DPYD: variants seen among roughly 807,000 people sequenced by gnomAD.
DPYD encodes the protein dihydropyrimidine dehydrogenase, also known as dihydropyrimidine dehydrogenase [NADP(+)].
A neutral mutation model predicts 116.2 loss-of-function variants in DPYD; 109 were observed. The observed-to-expected ratio is 0.94, with a 90% CI of 0.80 to 1.10. DPYD has a LOEUF of 1.10. Among genes scored for constraint, DPYD ranks in the 50% least tolerant of loss-of-function variants. DPYD has a pLI of 0.00. For missense variants in DPYD, 1,302 were observed against 1,254.5 expected, an observed-to-expected ratio of 1.04 and a Z score of -0.57; for synonymous variants, 440 against 432.0, an observed-to-expected ratio of 1.02 and a Z score of -0.23.
intron 18 of DPYD, among the ~76,000 whole-genome samples, chr1:97,287,830 G>T (rs1263505297): frequency 6.6e-6 from 1 of 152,014 alleles, no homozygotes; most frequent in Non-Finnish European, 1.5e-5. Flanking sequence ...GGTGCCATCT[G>T]TCACCCCTTT....
chr1:97,920,801 G>A, intron 1 of DPYD, 83 bp downstream of exon 1: 13 of 1,526,846 alleles, frequency 8.5e-6, no homozygotes, highest in East Asian at 2.5e-5. Context: ...GGGTGCGGGG[G>A]CCGCGGGGGC....
chr1:97,477,381 T>C (rs1019667179), intron 13 of DPYD, among the ~76,000 whole-genome samples: 4 of 152,212 alleles, frequency 2.6e-5, no homozygotes, highest in Non-Finnish European at 4.4e-5. Flanking sequence ...ATTCTAGTTA[T>C]CTTGCTATTT....
intron 8 of DPYD, among the ~76,000 whole-genome samples, chr1:97,597,513 T>C (rs1189982232): frequency 6.6e-6 from 1 of 152,194 alleles, no homozygotes; most frequent in Non-Finnish European, 1.5e-5. Flanking sequence ...AGATGTCAAT[T>C]TGGCTAGGCT....
intron 3 of DPYD, among the ~76,000 whole-genome samples, chr1:97,788,456 T>C (rs1048837564): frequency 2.6e-5 from 4 of 152,170 alleles, no homozygotes; most frequent in Admixed American, 2.0e-4. Context: ...TGAGAGACCA[T>C]CTTGGTCCTG....
intron 4 of DPYD, among the ~76,000 whole-genome samples, chr1:97,729,931 T>G (rs1285320701): frequency 6.6e-6 from 1 of 152,162 alleles, no homozygotes; most frequent in African/African-American, 2.4e-5. Context: ...CTAAATGAAA[T>G]AAAACTTTCA....
intron 19 of DPYD, among the ~76,000 whole-genome samples, chr1:97,200,387 A>C (rs554835826): frequency 1.2e-4 from 18 of 152,312 alleles, no homozygotes; most frequent in Admixed American, 3.3e-4. Context: ...ATTTAAGCAA[A>C]AACGGAAATT....
In DPYD at chr1:97,724,296, GGGGGGGGGGGGGTGTGTGTGT is replaced by G. The variant is rs1362251501; in HGVS notation, c.322-2646_322-2626del. Among the ~76,000 whole-genome samples the G allele has an allele frequency of 6.6e-3, 912 of 137,842 alleles. 32 individuals are homozygous for G. The highest frequency in any genetic ancestry group is 0.01 in the African/African-American group (382 of 36,870). The allele number at this position is 137,842 out of a possible 152,430, so 90.4% of individuals were successfully genotyped here. On this transcript the variant is annotated intron_variant, in intron 4 of 22. Transcript: ENST00000370192. ...CACAGAAAGAATAGGATGTATGTGG[GGGGGGGGGGGGGTGTGTGTGT>G]GTGTGTGTGTGTGTGTGTGTGTGTG...
intron 16 of DPYD, among the ~76,000 whole-genome samples, chr1:97,330,232 C>T (rs1170774515): frequency 6.6e-6 from 1 of 152,028 alleles, no homozygotes; most frequent in East Asian, 1.9e-4. Context: ...AAAAGCAGCC[C>T]TAAAAAATTG....
rs1191792314 is a variant in DPYD at position 97,305,291 on chromosome 1, A to G, written c.2267T>C (p.Ile756Thr). ...TCCTCCATATGTAGTTCGCTTTGCA[A>G]TCCCCACTGCTGGCCAAGGTGTGCC... ...SDGTPWPAVG[I>T]AKRTTYGGVS... Residue 756 changes from isoleucine (I) to threonine (T), a missense_variant, in exon 18 of 23, where the codon ATT becomes ACT. Transcript: ENST00000370192. 15 of 1,612,454 alleles carry G rather than the reference A, an allele frequency of 9.3e-6. No homozygotes were observed. Among genetic ancestry groups the G allele is most frequent in the Non-Finnish European group, 1.2e-5 (14 of 1,178,954 alleles).
chr1:97,644,073 A>G (rs1658100819), intron 8 of DPYD, among the ~76,000 whole-genome samples: 1 of 152,104 alleles, frequency 6.6e-6, no homozygotes, highest in Non-Finnish European at 1.5e-5. Context: ...CCTAGAACTT[A>G]AAGTATAATA....
intron 16 of DPYD, among the ~76,000 whole-genome samples, 181 bp downstream of exon 16, chr1:97,373,380 A>G (rs893460511): frequency 6.6e-6 from 1 of 152,272 alleles, no homozygotes; most frequent in South Asian, 2.1e-4. Context: ...AACAGTTGCT[A>G]TAATTTCAGC....
chr1:97,317,406 A>C (rs1667921902), intron 16 of DPYD, among the ~76,000 whole-genome samples: 1 of 151,928 alleles, frequency 6.6e-6, no homozygotes, highest in Non-Finnish European at 1.5e-5. Context: ...TGGGTTATGA[A>C]ATATAGGCAG....
intron 3 of DPYD, among the ~76,000 whole-genome samples, chr1:97,740,708 C>A (rs1442249359): frequency 6.6e-6 from 1 of 152,132 alleles, no homozygotes; most frequent in Non-Finnish European, 1.5e-5. Context: ...TCCCTCCTCT[C>A]AGAGTTCCTT....
In DPYD at chr1:97,515,885, A is replaced by G; in HGVS notation, c.1581T>C (p.Pro527=). ...CTACACTAATGTCCACCAGATCAAT[A>G]GGAGTGTAAAAGAGGGGTAGTTCAG... The part of the protein sequence containing the change: ...AKPELPLFYT[P]IDLVDISVEM... The change falls in exon 13 of 23, where the codon CCT becomes CCC. Residue 527 remains proline (P), a synonymous_variant. Transcript: ENST00000370192. 6.2e-7 allele frequency: 1 copy of G among 1,612,928 alleles called. No individual in the cohort carries two copies. The highest frequency in any genetic ancestry group is 8.5e-7 in the Non-Finnish European group (1 of 1,179,224).
At chr1:97,450,771 A>T (rs1262867162) in intron 13 of DPYD, among the ~76,000 whole-genome samples, 2 of 152,074 alleles carry the variant, frequency 1.3e-5, no homozygotes, top group African/African-American at 2.4e-5. Context: ...TTATAGGATT[A>T]TAACTATATA....
chr1:97,237,622 C>T (rs1662042677), intron 18 of DPYD, among the ~76,000 whole-genome samples: 1 of 152,012 alleles, frequency 6.6e-6, no homozygotes, highest in South Asian at 2.1e-4. Context: ...AGTGAGAATA[C>T]AAAAACACAC....
At chr1:97,634,634 T>C (rs898463513) in intron 8 of DPYD, among the ~76,000 whole-genome samples, 5 of 151,938 alleles carry the variant, frequency 3.3e-5, no homozygotes, top group Non-Finnish European at 5.9e-5. Flanking sequence ...CATGAATAAG[T>C]AGGTGGAAGA....
chr1:97,194,633 T>C (rs1478752913), intron 19 of DPYD, among the ~76,000 whole-genome samples: 2 of 151,928 alleles, frequency 1.3e-5, no homozygotes, highest in African/African-American at 4.8e-5. Flanking sequence ...GCCTCTCGAG[T>C]AGCTGGGACT....
At chr1:97,405,589 C>A (rs1216994515) in intron 14 of DPYD, among the ~76,000 whole-genome samples, 2 of 152,112 alleles carry the variant, frequency 1.3e-5, no homozygotes, top group Non-Finnish European at 2.9e-5. Context: ...GATCTTGGCT[C>A]ATGGCAACCT....
Sources: gnomAD v4.1 joint callset for allele counts (sites outside exome capture counted in the v4.1 genomes callset) on GRCh38, gnomAD v4.1.1 for gene constraint, MANE v1.5 for transcripts, NCBI Gene and HGNC (gene_info 2026-07-23, HGNC 2026-07-21) for gene names.